The following PTPRJ variants were observed in gnomAD, a reference collection of about 807,000 sequenced individuals.
The protein encoded by PTPRJ is receptor-type tyrosine-protein phosphatase eta.
Under a neutral mutation model 141.3 loss-of-function variants are expected in PTPRJ, and 129 were observed. That is an observed-to-expected ratio of 0.91 (90% CI 0.79 to 1.06). PTPRJ has a LOEUF of 1.06. PTPRJ is among the 50% of genes least tolerant of loss of function. The pLI, the probability that PTPRJ is intolerant of heterozygous loss-of-function variation, is 0.00. For missense variants in PTPRJ, 1,601 were observed against 1,679.7 expected (o/e 0.95, Z 0.82); for synonymous variants, 610 against 640.5 (o/e 0.95, Z 0.72).
intron 1 of PTPRJ, among the ~76,000 whole-genome samples, chr11:48,027,882 C>G (rs1481224331): frequency 7.3e-6 from 1 of 137,650 alleles, no homozygotes; most frequent in Non-Finnish European, 1.5e-5. Flanking sequence ...AGGTTTGTTT[C>G]TTTTTCCCCA....
intron 1 of PTPRJ, among the ~76,000 whole-genome samples, chr11:47,998,618 T>C (rs1854406136): frequency 6.6e-6 from 1 of 152,210 alleles, no homozygotes; most frequent in Admixed American, 6.5e-5. Context: ...AATAAATACC[T>C]TAGAGGATTG....
intron 1 of PTPRJ, among the ~76,000 whole-genome samples, chr11:48,043,679 T>G (rs1854322789): frequency 6.6e-6 from 1 of 152,136 alleles, no homozygotes; most frequent in Non-Finnish European, 1.5e-5. Flanking sequence ...CCCAAAGAGA[T>G]ATCTCAAAAT....
intron 1 of PTPRJ, among the ~76,000 whole-genome samples, chr11:48,002,611 C>T (rs1854528951): frequency 6.6e-6 from 1 of 152,208 alleles, no homozygotes; most frequent in South Asian, 2.1e-4. Flanking sequence ...TCACCCCCAA[C>T]TCATCAATCC....
chr11:48,092,294 C>CAAAAAAAAAAAAAAA (rs3971621), intron 1 of PTPRJ, among the ~76,000 whole-genome samples: 24 of 46,944 alleles, frequency 5.1e-4, no homozygotes, highest in East Asian at 8.1e-4. Flanking sequence ...GATTTCATCT[C>CAAAAAAAAAAAAAAA]AAAAAAAAAA....
At chr11:48,089,201 C>A (rs1337323979) in intron 1 of PTPRJ, among the ~76,000 whole-genome samples, 2 of 152,176 alleles carry the variant, frequency 1.3e-5, no homozygotes, top group Non-Finnish European at 2.9e-5. Flanking sequence ...GTGTGGAAAT[C>A]ATGACAAGCC....
At chr11:48,061,151 T>A (rs900569695) in intron 1 of PTPRJ, among the ~76,000 whole-genome samples, 4 of 152,208 alleles carry the variant, frequency 2.6e-5, no homozygotes, top group African/African-American at 9.6e-5. Context: ...TAATTTTGTA[T>A]TTTTAGTAGA....
chr11:48,076,336 C>T (rs192976136), intron 1 of PTPRJ, among the ~76,000 whole-genome samples: 2 of 152,184 alleles, frequency 1.3e-5, no homozygotes, highest in East Asian at 3.9e-4. Context: ...GTTTTTTTGT[C>T]TTACCTTGTT....
chr11:48,088,950 C>G (rs1428086520), intron 1 of PTPRJ, among the ~76,000 whole-genome samples: 1 of 152,198 alleles, frequency 6.6e-6, no homozygotes, highest in Non-Finnish European at 1.5e-5. Context: ...TTTAGTGACT[C>G]TGTGAAGAGC....
chr11:48,142,827 T>C, intron 11 of PTPRJ, 92 bp from the exon 12 acceptor site: 2 of 1,430,670 alleles, frequency 1.4e-6, no homozygotes, highest in African/African-American at 2.8e-5. Context: ...CAGAGTAAGA[T>C]CTTGAGGAGG....
At chr11:48,056,893 G>T (rs1188550870) in intron 1 of PTPRJ, among the ~76,000 whole-genome samples, 3 of 152,240 alleles carry the variant, frequency 2.0e-5, no homozygotes, top group African/African-American at 4.8e-5. Context: ...GGAGGAGGTT[G>T]CAGTGAGCCG....
At chr11:48,047,209 C>T (rs573235297) in intron 1 of PTPRJ, among the ~76,000 whole-genome samples, 1 of 152,096 alleles carries the variant, frequency 6.6e-6, no homozygotes, top group Non-Finnish European at 1.5e-5. Context: ...AGCCACAGTG[C>T]CAGGCCTTAC....
At chr11:48,124,018 C>T (rs2134342940) in intron 5 of PTPRJ, 148 bp downstream of exon 5, 1 of 909,838 alleles carries the variant, frequency 1.1e-6, no homozygotes, top group Non-Finnish European at 1.6e-6. Context: ...GATCCCCCAC[C>T]TGCATGAGGA....
At chr11:48,153,951 A>G in intron 19 of PTPRJ, 65 bp downstream of exon 19, 1 of 1,126,292 alleles carries the variant, frequency 8.9e-7, no homozygotes, top group South Asian at 1.3e-5. Flanking sequence ...CTCTAAGTGT[A>G]GAGGGGAGGG....
chr11:48,091,068 C>T (rs1389683429), intron 1 of PTPRJ, among the ~76,000 whole-genome samples: 1 of 152,212 alleles, frequency 6.6e-6, no homozygotes, highest in Non-Finnish European at 1.5e-5. Context: ...CTTCAATCTG[C>T]AATCCAGCAA....
chr11:48,130,686 G>T lies in PTPRJ; in HGVS notation c.1585G>T (p.Gly529Trp). The change falls in exon 8 of 25, where the codon GGG becomes TGG. Residue 529 changes from glycine to tryptophan, a missense_variant. By Grantham distance (184) the Gly-to-Trp change is radical. Transcript: ENST00000418331. ...TCCAAAAGGACCAAATGGGACTGAA[G>T]GGGCATCTCGGACAGTTTGCAATAG... The part of the protein sequence containing the change: ...IVPKGPNGTE[G>W]ASRTVCNRTV... 1 of 1,613,742 alleles carries T rather than the reference G, an allele frequency of 6.2e-7. No individual in the cohort carries two copies. The highest frequency in any genetic ancestry group is 8.5e-7 in the Non-Finnish European group (1 of 1,179,750).
At chr11:48,071,998 C>T (rs961944472) in intron 1 of PTPRJ, among the ~76,000 whole-genome samples, 7 of 151,462 alleles carry the variant, frequency 4.6e-5, no homozygotes, top group African/African-American at 9.7e-5. Context: ...CTCCGTCTCC[C>T]GGGTTCAAGC....
At position 48,110,084 on chromosome 11, in the gene PTPRJ, C is replaced by G; in HGVS notation, c.115+8C>G. The G allele has an allele frequency of 6.2e-7, 1 of 1,612,940 alleles. No homozygotes were observed. Among genetic ancestry groups the G allele is most frequent in the Middle Eastern group, 1.7e-4 (1 of 6,060 alleles). ...TCCTGTGCGCAGGTGGCAGTGAGTA[C>G]CCTTTTCCTCTCTATTCTTGTGTTG... is the stretch of plus-strand genomic sequence containing the variant. On this transcript the variant is annotated splice_region_variant and intron_variant, in intron 2 of 24. Coordinates refer to ENST00000418331, the MANE Select transcript of PTPRJ (RefSeq NM_002843.4).
At chr11:48,106,790 A>G (rs1366578330) in intron 1 of PTPRJ, among the ~76,000 whole-genome samples, 1 of 115,404 alleles carries the variant, frequency 8.7e-6, no homozygotes, top group Non-Finnish European at 1.7e-5. Flanking sequence ...TTTTTTTAAG[A>G]CAGAGTCTCA....
intron 1 of PTPRJ, among the ~76,000 whole-genome samples, chr11:48,023,355 G>T (rs1472181576): frequency 6.6e-6 from 1 of 151,988 alleles, no homozygotes; most frequent in Non-Finnish European, 1.5e-5. Flanking sequence ...TGACATGCAC[G>T]CCCCTTCATT....
Sources: gnomAD v4.1 joint callset for allele counts (sites outside exome capture counted in the v4.1 genomes callset) on GRCh38, gnomAD v4.1.1 for gene constraint, MANE v1.5 for transcripts, NCBI Gene and HGNC (gene_info 2026-07-23, HGNC 2026-07-21) for gene names.